The following CSMD3 variants were observed in gnomAD, a reference collection of about 807,000 sequenced individuals.
The protein encoded by CSMD3 is CUB and sushi domain-containing protein 3.
Under a neutral mutation model 435.2 loss-of-function variants are expected in CSMD3, and 177 were observed. The observed-to-expected ratio is 0.41, with a 90% CI of 0.36 to 0.46. CSMD3 has a LOEUF of 0.46. Among genes scored for constraint, CSMD3 ranks in the 20% least tolerant of loss-of-function variants. The probability of loss-of-function intolerance (pLI) is 0.34; values close to 1 mark genes in which losing one functional copy is unlikely to be tolerated. For synonymous variants in CSMD3, 1,656 were observed against 1,520.5 expected (o/e 1.09, Z -2.07); for missense variants, 4,265 against 4,504.6 (o/e 0.95, Z 1.52).
chr8:112,423,712 A>G (rs547984714), intron 32 of CSMD3, among the ~76,000 whole-genome samples: 136 of 152,288 alleles, frequency 8.9e-4, no homozygotes, highest in African/African-American at 3.0e-3. Context: ...AAAATCATTT[A>G]GGTATACTAA....
intron 4 of CSMD3, among the ~76,000 whole-genome samples, chr8:113,159,767 A>C (rs1255665072): frequency 6.6e-6 from 1 of 152,018 alleles, no homozygotes; most frequent in Non-Finnish European, 1.5e-5. Context: ...AAATCAGTGA[A>C]ATAGACTGAA....
rs577548425 is a variant in CSMD3, at chr8:112,642,021, A to G, written c.3310+3088T>C. 1.4e-3 allele frequency among the ~76,000 whole-genome samples: 206 copies of G among 152,214 alleles called. 1 individual carries two copies. Among genetic ancestry groups the G allele is most frequent in the African/African-American group, 4.6e-3 (193 of 41,544 alleles). On this transcript the variant is annotated intron_variant, in intron 20 of 70. Transcript: ENST00000297405. ...GGGAGAAAAAGTCAGTGGTTTCAAT[A>G]TCGTAATTACTTCTAGTAAGAATGC...
chr8:112,232,810 C>A (rs761931432), intron 68 of CSMD3, among the ~76,000 whole-genome samples: 25 of 152,096 alleles, frequency 1.6e-4, no homozygotes, highest in Non-Finnish European at 3.2e-4. Context: ...GAACCACTTG[C>A]CCCTCTGAGA....
chr8:113,298,034 A>T (rs1375111798), intron 2 of CSMD3, among the ~76,000 whole-genome samples: 1 of 152,152 alleles, frequency 6.6e-6, no homozygotes, highest in Non-Finnish European at 1.5e-5. Context: ...AACACACAGT[A>T]AGTACAATAT....
chr8:113,217,740 C>T (rs9297489), intron 3 of CSMD3, among the ~76,000 whole-genome samples: 3,239 of 151,118 alleles, frequency 0.021, 131 homozygotes, highest in African/African-American at 0.075. Flanking sequence ...GTCTAATACA[C>T]GCACAACTGG....
chr8:113,424,638 A>G (rs2094625743), intron 1 of CSMD3, among the ~76,000 whole-genome samples: 1 of 151,504 alleles, frequency 6.6e-6, no homozygotes, highest in Non-Finnish European at 1.5e-5. Flanking sequence ...TGATTATATT[A>G]TTGTACAAAC....
chr8:112,404,619 T>C (rs1831614399), intron 35 of CSMD3, among the ~76,000 whole-genome samples: 1 of 152,160 alleles, frequency 6.6e-6, no homozygotes, highest in Non-Finnish European at 1.5e-5. Flanking sequence ...CTATGTTATT[T>C]CATAATTTAA....
rs568119378 is a variant in CSMD3, at chr8:112,500,785, G to T, written c.5083+3005C>A. Among the ~76,000 whole-genome samples, 383 of 152,294 alleles carry T rather than the reference G, an allele frequency of 2.5e-3. 3 individuals carry two copies. The highest frequency in any genetic ancestry group is 8.5e-3 in the African/African-American group (355 of 41,556). On this transcript the variant is annotated intron_variant, in intron 30 of 70. Transcript: ENST00000297405. ...GCCCACAGTTGTGCCCATAGGAAAA[G>T]GCTACCTGGGACTAGGCATGTCCAA...
intron 4 of CSMD3, among the ~76,000 whole-genome samples, chr8:113,151,151 G>A (rs1339411101): frequency 2.0e-5 from 3 of 151,862 alleles, no homozygotes; most frequent in African/African-American, 7.2e-5. Context: ...ATGTTAATAG[G>A]TTCAAAGTTA....
chr8:113,175,278 T>C (rs1419772750), intron 3 of CSMD3, among the ~76,000 whole-genome samples: 1 of 151,952 alleles, frequency 6.6e-6, no homozygotes, highest in South Asian at 2.1e-4. Context: ...ATGAGGTCAA[T>C]TTAATCAAGA....
chr8:113,336,615 A>G (rs780303556), intron 1 of CSMD3, among the ~76,000 whole-genome samples: 2 of 152,062 alleles, frequency 1.3e-5, no homozygotes, highest in Non-Finnish European at 2.9e-5. Context: ...GGATTACCTC[A>G]TTGCTGTCAG....
intron 10 of CSMD3, among the ~76,000 whole-genome samples, chr8:112,867,394 C>T (rs1319571552): frequency 6.6e-6 from 1 of 152,106 alleles, no homozygotes; most frequent in African/African-American, 2.4e-5. Context: ...GCATCACACT[C>T]CCTGATTTCA....
chr8:112,292,554 G>T lies in CSMD3; in HGVS notation c.8771C>A (p.Pro2924His). Residue 2924 changes from proline (P) to histidine (H), a missense_variant, in exon 55 of 71, where the codon CCT becomes CAT. Physicochemically the swap from Pro to His is moderately conservative, Grantham distance 77. Coordinates refer to ENST00000297405, the MANE Select transcript of CSMD3 (RefSeq NM_198123.2). ...QCQANRQWSH[P>H]PPMCKVVNCS... ...ACATTTACCTTTGCACATAGGTGGAGGATGGCTCCACTGTCTGTTGGCCTG... is the reference window on the plus strand; with the variant it reads ...ACATTTACCTTTGCACATAGGTGGATGATGGCTCCACTGTCTGTTGGCCTG... 1.9e-6 allele frequency: 3 copies of T among 1,613,808 alleles called. No individual in the cohort carries two copies. The highest frequency in any genetic ancestry group is 2.5e-6 in the Non-Finnish European group (3 of 1,179,756).
chr8:112,449,786 G>A (rs1184608000), intron 32 of CSMD3, among the ~76,000 whole-genome samples: 1 of 152,108 alleles, frequency 6.6e-6, no homozygotes, highest in Non-Finnish European at 1.5e-5. Context: ...GCAGTGGCAC[G>A]ATCTCGGCTC....
intron 54 of CSMD3, among the ~76,000 whole-genome samples, chr8:112,294,727 C>T (rs192127430): frequency 6.6e-6 from 1 of 152,212 alleles, no homozygotes; most frequent in African/African-American, 2.4e-5. Context: ...CTTTATTCTT[C>T]ATCTGTGAAT....
At chr8:112,723,694 T>C (rs540254276) in intron 13 of CSMD3, among the ~76,000 whole-genome samples, 1 of 152,248 alleles carries the variant, frequency 6.6e-6, no homozygotes, top group South Asian at 2.1e-4. Flanking sequence ...TACCTAGGTT[T>C]AAATCCCATC....
At chr8:113,077,194 C>T (rs577670183) in intron 5 of CSMD3, among the ~76,000 whole-genome samples, 2 of 152,102 alleles carry the variant, frequency 1.3e-5, no homozygotes, top group South Asian at 4.1e-4. Flanking sequence ...ACTGTGATAT[C>T]ATACTATAGT....
chr8:112,676,158 G>C (rs1489241785), intron 16 of CSMD3, among the ~76,000 whole-genome samples: 1 of 152,124 alleles, frequency 6.6e-6, no homozygotes, highest in South Asian at 2.1e-4. Flanking sequence ...AAACACTTAA[G>C]TGCAGATGTG....
At chr8:112,471,518 C>T (rs186053258) in intron 32 of CSMD3, among the ~76,000 whole-genome samples, 1 of 152,222 alleles carries the variant, frequency 6.6e-6, no homozygotes, top group African/African-American at 2.4e-5. Context: ...GGCATCATCA[C>T]TCTATTTCAA....
Sources: allele counts gnomAD v4.1 joint callset (sites outside exome capture counted in the v4.1 genomes callset), GRCh38; gene constraint gnomAD v4.1.1; transcripts MANE v1.5; gene names NCBI Gene and HGNC (gene_info 2026-07-23, HGNC 2026-07-21).